RBFOX1: variants seen among roughly 807,000 people sequenced by gnomAD.
RBFOX1 encodes the protein RNA binding fox-1 homolog 1.
In RBFOX1, 8 loss-of-function variants were observed where a neutral mutation model predicts 57.7. The ratio of observed to expected loss-of-function variants is 0.14; its 90% CI spans 0.08 to 0.25. RBFOX1 has a LOEUF of 0.25. Among genes scored for constraint, RBFOX1 ranks in the 10% least tolerant of loss-of-function variants. The probability of loss-of-function intolerance (pLI) is 1.00; values close to 1 mark genes in which losing one functional copy is unlikely to be tolerated. For synonymous variants in RBFOX1, 326 were observed against 222.4 expected, an observed-to-expected ratio of 1.47 and a Z score of -4.15; for missense variants, 611 against 548.5, an observed-to-expected ratio of 1.11 and a Z score of -1.14.
At position 5,693,534 on chromosome 16, in the gene RBFOX1, A is replaced by G. The variant is rs188551470; in HGVS notation, c.318+94573A>G. ...CAAAAAAGGTTAAAAAACTCATTAT[A>G]TGTTGGGGGAAGGAGAAAATTCTTC... On this transcript the variant is annotated intron_variant, in intron 3 of 19. Transcript: ENST00000641259. 3.3e-5 allele frequency among the ~76,000 whole-genome samples: 5 copies of G among 152,092 alleles called. No homozygotes were observed. The East Asian group carries it at 7.7e-4, about 23-fold the overall frequency.
At chr16:6,760,873 C>A (rs1482121688) in intron 3 of RBFOX1, among the ~76,000 whole-genome samples, 1 of 152,054 alleles carries the variant, frequency 6.6e-6, no homozygotes, top group African/African-American at 2.4e-5. Context: ...TCAATGCCAC[C>A]CACCAGAATT....
chr16:5,969,719 C>G (rs911856639), intron 4 of RBFOX1, among the ~76,000 whole-genome samples: 2 of 151,954 alleles, frequency 1.3e-5, no homozygotes, highest in Admixed American at 6.6e-5. Context: ...TGCTTCTTTT[C>G]ATGTAGTTTT....
At chr16:6,952,401 C>G (rs548226877) in intron 3 of RBFOX1, among the ~76,000 whole-genome samples, 1 of 152,088 alleles carries the variant, frequency 6.6e-6, no homozygotes, top group African/African-American at 2.4e-5. Context: ...AATCCCAGCA[C>G]TTTGTGAGGC....
intron 2 of RBFOX1, among the ~76,000 whole-genome samples, chr16:6,452,771 T>C (rs2094663574): frequency 6.6e-6 from 1 of 152,218 alleles, no homozygotes; most frequent in Non-Finnish European, 1.5e-5. Flanking sequence ...TCACTAGCTA[T>C]GTGACCTGGG....
intron 1 of RBFOX1, among the ~76,000 whole-genome samples, chr16:6,311,495 G>A (rs1822739708): frequency 6.6e-6 from 1 of 152,096 alleles, no homozygotes; most frequent in Non-Finnish European, 1.5e-5. Flanking sequence ...GAAGTCAAAG[G>A]ATATTCCATG....
chr16:5,795,835 T>A (rs941739575), intron 3 of RBFOX1, among the ~76,000 whole-genome samples: 7 of 152,242 alleles, frequency 4.6e-5, no homozygotes, highest in Non-Finnish European at 7.3e-5. Context: ...TTTGCTTTTT[T>A]TCACTGATTT....
chr16:6,543,796 C>G (rs2096857130), intron 2 of RBFOX1, among the ~76,000 whole-genome samples: 1 of 152,032 alleles, frequency 6.6e-6, no homozygotes, highest in Admixed American at 6.5e-5. Context: ...TGAAGTGTCA[C>G]TACAGAGTCT....
chr16:6,642,001 T>C (rs1207612184), intron 2 of RBFOX1, among the ~76,000 whole-genome samples: 1 of 152,164 alleles, frequency 6.6e-6, no homozygotes, highest in African/African-American at 2.4e-5. Flanking sequence ...CCAGGGATTA[T>C]CCAGGAGGCT....
chr16:6,606,280 G>A (rs1335310553), intron 2 of RBFOX1, among the ~76,000 whole-genome samples: 1 of 152,062 alleles, frequency 6.6e-6, no homozygotes, highest in African/African-American at 2.4e-5. Flanking sequence ...ATATTAGAAA[G>A]CCACTTCTTC....
intron 1 of RBFOX1, among the ~76,000 whole-genome samples, chr16:5,388,316 C>T (rs567418559): frequency 6.6e-6 from 1 of 152,226 alleles, no homozygotes; most frequent in East Asian, 1.9e-4. Context: ...TAGTGGGAGG[C>T]TTCGGACAAA....
chr16:5,705,327 T>C (rs780944529), intron 3 of RBFOX1, among the ~76,000 whole-genome samples: 10 of 152,152 alleles, frequency 6.6e-5, no homozygotes, highest in Non-Finnish European at 1.3e-4. Context: ...AGTGGCATGA[T>C]CCTTGATCAC....
chr16:6,885,385 T>TG (rs2063783832), intron 3 of RBFOX1, among the ~76,000 whole-genome samples: 1 of 152,156 alleles, frequency 6.6e-6, no homozygotes, highest in South Asian at 2.1e-4. Flanking sequence ...AGCATGCTCA[T>TG]GAGTCAAAAC....
At chr16:6,572,604 T>C (rs1224976023) in intron 2 of RBFOX1, among the ~76,000 whole-genome samples, 1 of 152,044 alleles carries the variant, frequency 6.6e-6, no homozygotes, top group Non-Finnish European at 1.5e-5. Context: ...CTCTGTCTTT[T>C]TTTTTTTAGA....
At chr16:5,837,396 T>G (rs1356037768) in intron 3 of RBFOX1, among the ~76,000 whole-genome samples, 6 of 152,048 alleles carry the variant, frequency 3.9e-5, no homozygotes, top group African/African-American at 1.4e-4. Flanking sequence ...GACACATTGT[T>G]TAATTTTTGT....
chr16:5,454,919 G>T (rs757060779), intron 1 of RBFOX1, among the ~76,000 whole-genome samples: 86 of 36,670 alleles, frequency 2.3e-3, no homozygotes, highest in Non-Finnish European at 2.9e-3. Flanking sequence ...TCTTTCCTTT[G>T]TTTCTTTCTT....
At chr16:5,948,162 AG>A (rs1488074010) in intron 4 of RBFOX1, among the ~76,000 whole-genome samples, 1 of 152,166 alleles carries the variant, frequency 6.6e-6, no homozygotes, top group South Asian at 2.1e-4. Context: ...TGCTATATAT[AG>A]TAGCCTCTGT....
rs988267997 is a variant in RBFOX1, at chr16:6,480,043, C to A, written c.-64+162986C>A. On this transcript the variant is annotated intron_variant, in intron 2 of 15. Transcript: ENST00000550418. Reference sequence around the variant, plus strand: ...CCAGGCTGGGAGACAGAGCAAGACTCCACCTCGAAAAAAAAAAAAAAAAAA... The same window carrying A: ...CCAGGCTGGGAGACAGAGCAAGACTACACCTCGAAAAAAAAAAAAAAAAAA... Among the ~76,000 whole-genome samples the A allele has an allele frequency of 4.6e-5, 6 of 130,286 alleles. No individual in the cohort carries two copies. The South Asian group carries it at 1.3e-3, about 29-fold the overall frequency. The allele number at this position is 130,286 out of a possible 152,430, so 85.5% of individuals were successfully genotyped here.
At chr16:7,217,117 C>G (rs943052863) in intron 4 of RBFOX1, among the ~76,000 whole-genome samples, 3 of 146,392 alleles carry the variant, frequency 2.0e-5, no homozygotes, top group South Asian at 2.3e-4. Context: ...CTTTCCTTTC[C>G]TTTCTTTTTG....
chr16:5,624,585 G>A (rs1596493618), intron 3 of RBFOX1, among the ~76,000 whole-genome samples: 1 of 152,322 alleles, frequency 6.6e-6, no homozygotes, highest in South Asian at 2.1e-4. Context: ...ACAGGTTCAT[G>A]TTCCTCATCC....
Sources: gnomAD v4.1 joint callset for allele counts (sites outside exome capture counted in the v4.1 genomes callset) on GRCh38, gnomAD v4.1.1 for gene constraint, MANE v1.5 for transcripts, NCBI Gene and HGNC (gene_info 2026-07-23, HGNC 2026-07-21) for gene names.